The following AHI1 variants were observed in gnomAD, a reference collection of about 807,000 sequenced individuals.
AHI1 encodes Abelson helper integration site 1.
Under a neutral mutation model 149.3 loss-of-function variants are expected in AHI1, and 123 were observed. The observed-to-expected ratio is 0.82, with a 90% confidence interval of 0.71 to 0.96. The LOEUF (loss-of-function observed/expected upper bound fraction) is 0.96. Ranked by LOEUF, AHI1 falls within the 40% of genes least tolerant of loss-of-function variation. The pLI is 0.00. For missense variants in AHI1, 1,439 were observed against 1,422.7 expected (o/e 1.01, Z -0.18); for synonymous variants, 475 against 459.8 (o/e 1.03, Z -0.42).
At chr6:135,335,509 G>A (rs1789245310) in intron 24 of AHI1, among the ~76,000 whole-genome samples, 1 of 150,480 alleles carries the variant, frequency 6.6e-6, no homozygotes, top group African/African-American at 2.4e-5. Context: ...ATTTGGTTTG[G>A]TATTCCTTTT....
At chr6:135,407,779 G>A (rs368065441) in intron 21 of AHI1, among the ~76,000 whole-genome samples, 2 of 152,046 alleles carry the variant, frequency 1.3e-5, no homozygotes, top group African/African-American at 4.8e-5. Context: ...TTGGGAGGCC[G>A]AGGTGGGCGG....
intron 23 of AHI1, among the ~76,000 whole-genome samples, chr6:135,382,963 A>G (rs1321244994): frequency 7.0e-6 from 1 of 142,476 alleles, no homozygotes; most frequent in Non-Finnish European, 1.5e-5. Flanking sequence ...ATACATATAA[A>G]ATAATAATAA....
At chr6:135,482,456 C>T (rs934157786) in intron 5 of AHI1, among the ~76,000 whole-genome samples, 1 of 151,698 alleles carries the variant, frequency 6.6e-6, no homozygotes, top group Admixed American at 6.6e-5. Context: ...ACAGGCCATG[C>T]CAGCCCACCA....
intron 5 of AHI1, among the ~76,000 whole-genome samples, chr6:135,474,222 G>C (rs574586010): frequency 6.6e-6 from 1 of 152,146 alleles, no homozygotes; most frequent in Non-Finnish European, 1.5e-5. Context: ...GTAACTTCTA[G>C]TAGCACTTTT....
rs543954264 is a variant in AHI1, at chr6:135,465,819, T to C, written c.744A>G (p.Glu248=). Residue 248 remains glutamate, a synonymous_variant, in exon 7 of 29, where the codon GAA becomes GAG. Coordinates refer to ENST00000265602, the MANE Select transcript of AHI1 (RefSeq NM_001134831.2). Reference sequence around the variant, plus strand: ...ATTTATCAATGCAAAAATACCTTGTTTCAGCTTTAGAGAAGACTGGAACTT... The same window carrying C: ...ATTTATCAATGCAAAAATACCTTGTCTCAGCTTTAGAGAAGACTGGAACTT... ...KKEVPVFSKA[E]TSTLTISGDT... 1.4e-6 allele frequency: 2 copies of C among 1,452,586 alleles called. No homozygotes were observed. The highest frequency in any genetic ancestry group is 3.4e-5 in the South Asian group (2 of 58,002). The allele number at this position is 1,452,586 out of a possible 1,614,324, so 90.0% of individuals were successfully genotyped here.
intron 14 of AHI1, among the ~76,000 whole-genome samples, chr6:135,441,839 C>G (rs901597948): frequency 6.6e-6 from 1 of 151,900 alleles, no homozygotes; most frequent in African/African-American, 2.4e-5. Flanking sequence ...TCATGGGGAG[C>G]AATATCTACT....
intron 23 of AHI1, among the ~76,000 whole-genome samples, chr6:135,371,220 T>G (rs1032875686): frequency 2.0e-5 from 3 of 152,222 alleles, no homozygotes; most frequent in African/African-American, 2.4e-5. Flanking sequence ...TGTCTTGAGA[T>G]TTCTGTTTCA....
chr6:135,455,595 T>C (rs193147660), intron 10 of AHI1, 139 bp downstream of exon 10: 22 of 610,876 alleles, frequency 3.6e-5, no homozygotes, highest in South Asian at 3.0e-4. Context: ...TTCCACAGCA[T>C]TGGAAAACTA....
Position 135,440,641 on chromosome 6 carries a change from CAG to C in AHI1, c.1912+1939_1912+1940del, listed in dbSNP as rs200245006. Among the ~76,000 whole-genome samples, 1,454 of 152,248 alleles carry C rather than the reference CAG, an allele frequency of 9.6e-3. 18 individuals carry two copies. The highest frequency in any genetic ancestry group is 0.033 in the African/African-American group (1,360 of 41,548). On this transcript the variant is annotated intron_variant, in intron 14 of 28. Coordinates refer to ENST00000265602, the MANE Select transcript of AHI1 (RefSeq NM_001134831.2). The stretch of plus-strand genomic sequence containing the variant: ...CATTGAAGGTATACCCCAACACACA[CAG>C]AGTCTCTTGGCAAAGACCAGTAGAC...
intron 24 of AHI1, among the ~76,000 whole-genome samples, chr6:135,340,432 G>A (rs1790119232): frequency 6.6e-6 from 1 of 150,922 alleles, no homozygotes; most frequent in Non-Finnish European, 1.5e-5. Context: ...AGTGTCCTGG[G>A]TTACTGAAAA....
intron 22 of AHI1, among the ~76,000 whole-genome samples, chr6:135,399,116 C>T (rs527760652): frequency 2.0e-4 from 30 of 152,256 alleles, no homozygotes; most frequent in South Asian, 4.1e-4. Context: ...TCCAGAAGGT[C>T]GAGGCTGCAT....
chr6:135,339,480 A>G (rs1425896158), intron 24 of AHI1, among the ~76,000 whole-genome samples: 1 of 152,220 alleles, frequency 6.6e-6, no homozygotes. Context: ...CAAACAAACA[A>G]ACAAAAAATC....
At chr6:135,422,363 C>T (rs1383616155) in intron 20 of AHI1, among the ~76,000 whole-genome samples, 2 of 151,838 alleles carry the variant, frequency 1.3e-5, no homozygotes, top group African/African-American at 4.8e-5. Context: ...AATACACACA[C>T]GAAATTAGTC....
intron 20 of AHI1, among the ~76,000 whole-genome samples, chr6:135,418,559 G>A (rs553873947): frequency 7.6e-4 from 115 of 152,162 alleles, no homozygotes; most frequent in Middle Eastern, 3.4e-3. Flanking sequence ...AAGGACGGAG[G>A]AAATAAGATA....
At chr6:135,308,827 T>C (rs1200391755) in intron 26 of AHI1, among the ~76,000 whole-genome samples, 1 of 152,252 alleles carries the variant, frequency 6.6e-6, no homozygotes, top group Admixed American at 6.5e-5. Flanking sequence ...GAAGTTAAAC[T>C]ACAGGGGGAT....
chr6:135,358,613 C>T (rs1371757062), intron 23 of AHI1, among the ~76,000 whole-genome samples: 1 of 152,094 alleles, frequency 6.6e-6, no homozygotes, highest in African/African-American at 2.4e-5. Context: ...TAAATAAATC[C>T]ATCTGAATTT....
intron 24 of AHI1, among the ~76,000 whole-genome samples, chr6:135,355,886 G>A (rs1056450735): frequency 2.6e-5 from 4 of 151,814 alleles, no homozygotes; most frequent in African/African-American, 4.9e-5. Flanking sequence ...GCAACAGAGC[G>A]AGACTCTGTC....
intron 18 of AHI1, among the ~76,000 whole-genome samples, chr6:135,429,512 T>C (rs1784359244): frequency 6.6e-6 from 1 of 151,786 alleles, no homozygotes; most frequent in Non-Finnish European, 1.5e-5. Context: ...ACTAATGCTG[T>C]AACAGTATCA....
At chr6:135,396,315 T>C (rs1779204446) in intron 22 of AHI1, among the ~76,000 whole-genome samples, 5 of 151,776 alleles carry the variant, frequency 3.3e-5, no homozygotes, top group Admixed American at 2.6e-4. Flanking sequence ...AACAAACTCA[T>C]TTGATATCTT....
Sources: allele counts gnomAD v4.1 joint callset (sites outside exome capture counted in the v4.1 genomes callset), GRCh38; gene constraint gnomAD v4.1.1; transcripts MANE v1.5; gene names NCBI Gene and HGNC (gene_info 2026-07-23, HGNC 2026-07-21).